The following EYS variants were observed in gnomAD, a reference collection of about 807,000 sequenced individuals.
EYS encodes protein eyes shut homolog.
In EYS, 250 loss-of-function variants were observed where a neutral mutation model predicts 282.1. The observed-to-expected ratio is 0.89, with a 90% confidence interval of 0.80 to 0.98. The LOEUF (loss-of-function observed/expected upper bound fraction) is 0.98, where lower values mean the gene tolerates loss of function less well. Among genes scored for constraint, EYS ranks in the 50% least tolerant of loss-of-function variants. The pLI, the probability that EYS is intolerant of heterozygous loss-of-function variation, is 0.00. For synonymous variants in EYS, 1,355 were observed against 1,282.9 expected, an observed-to-expected ratio of 1.06 and a Z score of -1.20; for missense variants, 4,016 against 3,709.0, an observed-to-expected ratio of 1.08 and a Z score of -2.15.
chr6:65,474,939 A>G (rs1419396245), intron 5 of EYS, among the ~76,000 whole-genome samples: 1 of 152,002 alleles, frequency 6.6e-6, no homozygotes, highest in Non-Finnish European at 1.5e-5. Flanking sequence ...AAACAGAGAG[A>G]CTTGCATTTT....
intron 5 of EYS, among the ~76,000 whole-genome samples, chr6:65,460,215 G>C (rs1274123429): frequency 6.6e-6 from 1 of 150,670 alleles, no homozygotes; most frequent in African/African-American, 2.4e-5. Context: ...TTCCTCCCTA[G>C]AGATAATCAC....
Position 64,261,477 on chromosome 6 carries a change from A to G in EYS, c.6192-30653T>C, listed in dbSNP as rs1767586947. Among the ~76,000 whole-genome samples, 4 of 152,040 alleles carry G rather than the reference A, an allele frequency of 2.6e-5. No individual in the cohort carries two copies. In the East Asian group the frequency reaches 7.7e-4, roughly 29 times the overall value. ...AACATCTTATTTATGTTTTTGTCTT[A>G]TTTTATTGTCCAGAACTTGCACATA... is the stretch of plus-strand genomic sequence containing the variant. On this transcript the variant is annotated intron_variant, in intron 30 of 42. Transcript: ENST00000503581.
chr6:64,132,370 T>C (rs189510916), intron 31 of EYS, among the ~76,000 whole-genome samples: 13 of 151,974 alleles, frequency 8.6e-5, no homozygotes, highest in Non-Finnish European at 1.5e-5. Flanking sequence ...TCTCCAGTAA[T>C]CTTTGGATTA....
At chr6:64,743,789 G>T (rs931631384) in intron 22 of EYS, among the ~76,000 whole-genome samples, 1 of 152,072 alleles carries the variant, frequency 6.6e-6, no homozygotes, top group Non-Finnish European at 1.5e-5. Context: ...TACAAAAAGT[G>T]TCAGAAAATA....
At chr6:64,875,045 A>G (rs1766703137) in intron 19 of EYS, among the ~76,000 whole-genome samples, 1 of 152,030 alleles carries the variant, frequency 6.6e-6, no homozygotes, top group African/African-American at 2.4e-5. Context: ...GTCATTTGCT[A>G]TGTTTACTGC....
At chr6:64,808,627 A>AT (rs376383085) in intron 22 of EYS, among the ~76,000 whole-genome samples, 17 of 150,212 alleles carry the variant, frequency 1.1e-4, no homozygotes, top group South Asian at 4.2e-4. Context: ...TTTCTTGGTA[A>AT]TTTTTTTTTT....
At chr6:65,426,419 T>C (rs1206816671) in intron 5 of EYS, among the ~76,000 whole-genome samples, 4 of 152,068 alleles carry the variant, frequency 2.6e-5, no homozygotes, top group Non-Finnish European at 5.9e-5. Flanking sequence ...TAAATAAATA[T>C]ATTTTATTAT....
chr6:64,570,377 G>A (rs952173044), intron 26 of EYS, among the ~76,000 whole-genome samples: 6 of 152,136 alleles, frequency 3.9e-5, no homozygotes, highest in Admixed American at 2.0e-4. Flanking sequence ...TGAAGAAACT[G>A]CATCAACTAA....
intron 12 of EYS, among the ~76,000 whole-genome samples, chr6:65,195,795 A>C (rs2150242677): frequency 6.6e-6 from 1 of 152,194 alleles, no homozygotes; most frequent in African/African-American, 2.4e-5. Flanking sequence ...ATTTGAAAGA[A>C]TATTAGTGAA....
intron 22 of EYS, among the ~76,000 whole-genome samples, chr6:64,781,920 G>A (rs1773875006): frequency 6.6e-6 from 1 of 152,094 alleles, no homozygotes; most frequent in African/African-American, 2.4e-5. Context: ...ACATGAAATG[G>A]TTGAAGATGC....
At chr6:65,127,582 C>G (rs1218060168) in intron 12 of EYS, among the ~76,000 whole-genome samples, 2 of 152,040 alleles carry the variant, frequency 1.3e-5, no homozygotes, top group Non-Finnish European at 2.9e-5. Flanking sequence ...TTTACTGTAG[C>G]TGTGTTATTG....
At chr6:64,597,165 A>G (rs533570216) in intron 24 of EYS, among the ~76,000 whole-genome samples, 8 of 152,346 alleles carry the variant, frequency 5.3e-5, no homozygotes, top group African/African-American at 1.4e-4. Context: ...CTGCAATGAG[A>G]TATTATCTTA....
intron 12 of EYS, among the ~76,000 whole-genome samples, chr6:65,132,946 A>G (rs1322126915): frequency 6.6e-6 from 1 of 151,996 alleles, no homozygotes; most frequent in Non-Finnish European, 1.5e-5. Context: ...CAAATCATGA[A>G]TGCAATCTCA....
rs1305072093 is a variant in EYS, at chr6:64,864,556, T to C, written c.2992+22141A>G. 2.0e-5 allele frequency among the ~76,000 whole-genome samples: 3 copies of C among 148,426 alleles called. No homozygotes were observed. In the Admixed American group the frequency reaches 2.0e-4, roughly 10 times the overall value. On this transcript the variant is annotated intron_variant, in intron 19 of 42. Transcript: ENST00000503581. ...ACACGCCACCATGCCCAGCTAATTT[T>C]TGTATTTTTAGTAGAGATGGGGATT...
At chr6:63,893,580 T>C (rs947273729) in intron 35 of EYS, among the ~76,000 whole-genome samples, 6 of 151,810 alleles carry the variant, frequency 4.0e-5, no homozygotes, top group African/African-American at 1.2e-4. Flanking sequence ...CTGTTGGTGG[T>C]TGGGGGGCAA....
In EYS at chr6:63,899,306, A is replaced by C. The variant is rs532553638; in HGVS notation, c.7056-34948T>G. On this transcript the variant is annotated intron_variant, in intron 35 of 42. Transcript: ENST00000503581. ...TTTTTTTTCTGAGTATCTTCACAAC[A>C]TGTTGAATTAATGAAGAAGATATCC... 6.6e-5 allele frequency among the ~76,000 whole-genome samples: 10 copies of C among 152,200 alleles called. No individual in the cohort carries two copies. The East Asian group carries it at 1.9e-3, about 29-fold the overall frequency.
intron 31 of EYS, among the ~76,000 whole-genome samples, chr6:64,180,673 C>T (rs1201840775): frequency 2.0e-5 from 3 of 152,074 alleles, no homozygotes; most frequent in Non-Finnish European, 4.4e-5. Context: ...TGAGAACATG[C>T]ACAAACCTCA....
At chr6:64,719,435 TATC>T (rs1287795107) in intron 22 of EYS, among the ~76,000 whole-genome samples, 1 of 152,152 alleles carries the variant, frequency 6.6e-6, no homozygotes, top group African/African-American at 2.4e-5. Flanking sequence ...TTGGGAAAAA[TATC>T]ATTTTAAACT....
chr6:65,415,330 T>C (rs958827476), intron 5 of EYS, among the ~76,000 whole-genome samples: 2 of 152,050 alleles, frequency 1.3e-5, no homozygotes, highest in African/African-American at 4.8e-5. Flanking sequence ...GCAAATCCAA[T>C]TTAACCAAGA....
Sources: gnomAD v4.1 joint callset for allele counts (sites outside exome capture counted in the v4.1 genomes callset) on GRCh38, gnomAD v4.1.1 for gene constraint, MANE v1.5 for transcripts, NCBI Gene and HGNC (gene_info 2026-07-23, HGNC 2026-07-21) for gene names.